Variants in NCK2 observed in about 807,000 individuals in gnomAD.
The protein encoded by NCK2 is cytoplasmic protein NCK2.
Under a neutral mutation model 33.9 loss-of-function variants are expected in NCK2, and 16 were observed. The ratio of observed to expected loss-of-function variants is 0.47; its 90% CI spans 0.32 to 0.72. The LOEUF (loss-of-function observed/expected upper bound fraction) is 0.72. NCK2 is among the 30% of genes least tolerant of loss of function. The pLI, the probability that NCK2 is intolerant of heterozygous loss-of-function variation, is 0.03. For synonymous variants in NCK2, 273 were observed against 239.9 expected (o/e 1.14, Z -1.27); for missense variants, 418 against 537.3 (o/e 0.78, Z 2.19).
intron 2 of NCK2, among the ~76,000 whole-genome samples, chr2:105,841,876 A>G (rs1000043604): frequency 1.6e-4 from 24 of 152,306 alleles, no homozygotes; most frequent in African/African-American, 5.8e-4. Context: ...TGGAAAAGAA[A>G]GATATTAATA....
At chr2:105,800,668 G>A (rs993840393) in intron 1 of NCK2, among the ~76,000 whole-genome samples, 1 of 152,172 alleles carries the variant, frequency 6.6e-6, no homozygotes, top group Non-Finnish European at 1.5e-5. Flanking sequence ...TAAATGGACC[G>A]AGAGAGTGGG....
intron 1 of NCK2, among the ~76,000 whole-genome samples, chr2:105,781,359 A>C (rs901394844): frequency 4.0e-5 from 6 of 149,202 alleles, no homozygotes; most frequent in Admixed American, 2.0e-4. Flanking sequence ...CTCCGCTTCC[A>C]CCTCCACCAC....
chr2:105,829,751 C>T (rs1343184516), intron 2 of NCK2, among the ~76,000 whole-genome samples: 1 of 152,176 alleles, frequency 6.6e-6, no homozygotes, highest in East Asian at 1.9e-4. Context: ...CTCCCTCTCC[C>T]CCTTTCCCTA....
chr2:105,789,899 G>C (rs1299993704), intron 1 of NCK2, among the ~76,000 whole-genome samples: 1 of 152,204 alleles, frequency 6.6e-6, no homozygotes. Flanking sequence ...ATAACGAACA[G>C]GTTGGATATG....
rs1241937100 is a variant in NCK2, at chr2:105,835,374, T to TAC, written c.-17+18763_-17+18764dup. 2.6e-3 allele frequency among the ~76,000 whole-genome samples: 251 copies of TAC among 97,730 alleles called. 1 individual carries two copies. The highest frequency in any genetic ancestry group is 7.4e-3 in the African/African-American group (191 of 25,980). 64.1% of individuals were successfully genotyped at this position (97,730 alleles called of 152,430 possible). A position where few individuals can be genotyped will look rare whatever the true frequency, so the allele number is the denominator to read the frequency against. ...ATTCTTGGCTGGTTTTATATATATA[T>TAC]ACATATATATACACATATATATATA... On this transcript the variant is annotated intron_variant, in intron 2 of 4. Transcript: ENST00000233154.
chr2:105,824,363 C>T (rs536797395), intron 2 of NCK2, among the ~76,000 whole-genome samples: 22 of 152,126 alleles, frequency 1.4e-4, no homozygotes, highest in Non-Finnish European at 2.5e-4. Flanking sequence ...TAGTGCCTTC[C>T]GGAATATGCC....
At chr2:105,772,564 G>T (rs893377725) in intron 1 of NCK2, among the ~76,000 whole-genome samples, 3 of 152,082 alleles carry the variant, frequency 2.0e-5, no homozygotes, top group Non-Finnish European at 4.4e-5. Context: ...TGTTACTGAT[G>T]CTGGGTTAAA....
chr2:105,777,271 C>T (rs1409490381), intron 1 of NCK2, among the ~76,000 whole-genome samples: 2 of 152,134 alleles, frequency 1.3e-5, no homozygotes, highest in Non-Finnish European at 2.9e-5. Flanking sequence ...ACGCTTTGCC[C>T]TTCCTCCTGC....
chr2:105,772,234 A>T (rs761405829), intron 1 of NCK2, among the ~76,000 whole-genome samples: 1 of 151,898 alleles, frequency 6.6e-6, no homozygotes, highest in Non-Finnish European at 1.5e-5. Context: ...AGAACCATAG[A>T]TTTATTTAGA....
chr2:105,844,753 T>G (rs1290715181), intron 2 of NCK2, among the ~76,000 whole-genome samples: 1 of 144,558 alleles, frequency 6.9e-6, no homozygotes, highest in Non-Finnish European at 1.5e-5. Context: ...GGGGGATATA[T>G]ATATATATAT....
intron 2 of NCK2, among the ~76,000 whole-genome samples, chr2:105,832,416 A>C (rs1676232152): frequency 6.6e-6 from 1 of 152,180 alleles, no homozygotes; most frequent in Non-Finnish European, 1.5e-5. Flanking sequence ...GTTAGAGGAA[A>C]AGTTTTCAGC....
chr2:105,842,595 A>T (rs1039474706), intron 2 of NCK2, among the ~76,000 whole-genome samples: 1 of 151,872 alleles, frequency 6.6e-6, no homozygotes, highest in African/African-American at 2.4e-5. Context: ...GTGACATCTG[A>T]CTCTTGAGTT....
At position 105,838,296 on chromosome 2, in the gene NCK2, A is replaced by G. The variant is rs897559973; in HGVS notation, c.-16-16752A>G. On this transcript the variant is annotated intron_variant, in intron 2 of 4. Coordinates refer to ENST00000233154, the MANE Select transcript of NCK2 (RefSeq NM_003581.5). The stretch of plus-strand genomic sequence containing the variant: ...ATAAATGCAAATTTTTAAATGCTGG[A>G]ATTTTATTAAAATGTTTTTTTTTTT... Among the ~76,000 whole-genome samples the G allele has an allele frequency of 1.0e-4, 15 of 146,672 alleles. No homozygotes were observed. In the East Asian group the frequency reaches 2.9e-3, roughly 29 times the overall value.
intron 3 of NCK2, 113 bp from the exon 4 acceptor site, chr2:105,881,215 T>C: frequency 7.1e-7 from 1 of 1,406,344 alleles, no homozygotes; most frequent in South Asian, 1.4e-5. Flanking sequence ...ACTGTCCATG[T>C]GTCGTCCCCT....
chr2:105,864,155 G>A (rs1201345251), intron 3 of NCK2, among the ~76,000 whole-genome samples: 2 of 152,078 alleles, frequency 1.3e-5, no homozygotes, highest in Non-Finnish European at 1.5e-5. Context: ...AGAACCCTCG[G>A]AGGTTTCCAC....
At chr2:105,754,835 G>A (rs556042936) in intron 1 of NCK2, among the ~76,000 whole-genome samples, 81 of 152,158 alleles carry the variant, frequency 5.3e-4, no homozygotes, top group African/African-American at 1.9e-3. Context: ...TTTAATATAG[G>A]TGAAGAGTGA....
chr2:105,887,923 C>G (rs1295086116), intron 4 of NCK2, among the ~76,000 whole-genome samples: 1 of 152,102 alleles, frequency 6.6e-6, no homozygotes, highest in Non-Finnish European at 1.5e-5. Context: ...GCACAAATTG[C>G]AAAGAGATGA....
chr2:105,887,572 A>G (rs1678768152), intron 4 of NCK2, among the ~76,000 whole-genome samples: 1 of 152,222 alleles, frequency 6.6e-6, no homozygotes, highest in Non-Finnish European at 1.5e-5. Flanking sequence ...TAAGGTTTAA[A>G]GAACCAAAAG....
intron 3 of NCK2, among the ~76,000 whole-genome samples, chr2:105,861,910 TCCCTCCCTCCCTCCC>T: frequency 1.6e-5 from 1 of 60,740 alleles, no homozygotes; most frequent in Non-Finnish European, 3.9e-5. Flanking sequence ...CTTTCCTCCC[TCCCTCCCTCCCTCCC>T]TCCCTCCCTC....
Sources: allele counts gnomAD v4.1 joint callset (sites outside exome capture counted in the v4.1 genomes callset), GRCh38; gene constraint gnomAD v4.1.1; transcripts MANE v1.5; gene names NCBI Gene and HGNC (gene_info 2026-07-23, HGNC 2026-07-21).